The following TRAPPC9 variants were observed in gnomAD, a reference collection of about 807,000 sequenced individuals.
TRAPPC9 encodes the protein trafficking protein particle complex subunit 9, also known as IKK2 binding protein.
A neutral mutation model predicts 124.0 loss-of-function variants in TRAPPC9; 83 were observed. The observed-to-expected ratio is 0.67, with a 90% confidence interval of 0.56 to 0.80. The LOEUF is 0.80. Among genes scored for constraint, TRAPPC9 ranks in the 30% least tolerant of loss-of-function variants. TRAPPC9 has a pLI of 0.00. For missense variants in TRAPPC9, 1,302 were observed against 1,508.3 expected, an observed-to-expected ratio of 0.86 and a Z score of 2.27; for synonymous variants, 638 against 617.5, an observed-to-expected ratio of 1.03 and a Z score of -0.49.
rs187446841 is a variant in TRAPPC9 at position 139,920,996 on chromosome 8, G to A, written c.2811-10696C>T. On this transcript the variant is annotated intron_variant, in intron 19 of 22. Transcript: ENST00000438773. The stretch of plus-strand genomic sequence containing the variant: ...GATGTGGCTGCATCCCACACCTGCC[G>A]TAACAGGTCTCTGAAGGTGTGGGTG... Among the ~76,000 whole-genome samples the A allele has an allele frequency of 3.5e-3, 529 of 152,322 alleles. 9 individuals are homozygous for A. The highest frequency in any genetic ancestry group is 0.031 in the Admixed American group (479 of 15,306).
chr8:140,182,721 T>C lies in TRAPPC9; in HGVS notation c.2556+38738A>G, dbSNP rs540371517. Among the ~76,000 whole-genome samples the C allele has an allele frequency of 3.9e-5, 6 of 152,310 alleles. No individual in the cohort carries two copies. The South Asian group carries it at 1.2e-3, about 32-fold the overall frequency. The stretch of plus-strand genomic sequence containing the variant: ...TAAGAAATTCTAAAAATACAGCCTC[T>C]TGGCAATCATGACCCTCTTGACCTG... On this transcript the variant is annotated intron_variant, in intron 17 of 22. Transcript: ENST00000438773. This position sits in a 1 kb window ranked among gnomAD's most constrained non-coding sequence, Gnocchi z 4.0.
intron 19 of TRAPPC9, among the ~76,000 whole-genome samples, chr8:139,922,028 T>C (rs968618576): frequency 2.6e-5 from 4 of 151,784 alleles, no homozygotes; most frequent in Non-Finnish European, 2.9e-5. Flanking sequence ...GTTCAGAACA[T>C]AGGAAATCAA....
At chr8:140,041,841 G>A (rs143148277) in intron 17 of TRAPPC9, among the ~76,000 whole-genome samples, 113 of 152,218 alleles carry the variant, frequency 7.4e-4, no homozygotes, top group South Asian at 1.5e-3. Flanking sequence ...GTGTGGTGGC[G>A]TGTACCTATA....
chr8:140,283,579 A>G (rs938781400), intron 14 of TRAPPC9, among the ~76,000 whole-genome samples: 1 of 151,782 alleles, frequency 6.6e-6, no homozygotes, highest in Non-Finnish European at 1.5e-5. Flanking sequence ...TACACATGTG[A>G]GCCACCGCGC....
chr8:140,435,271 CAGAAA>C (rs2070775707), intron 3 of TRAPPC9, 31 bp from the exon 4 acceptor site: 1 of 125,544 alleles, frequency 8.0e-6, no homozygotes. Flanking sequence ...AAACAAAAAC[CAGAAA>C]ACAAAAAACA....
At chr8:139,864,302 T>A (rs1828374860) in intron 21 of TRAPPC9, among the ~76,000 whole-genome samples, 1 of 152,140 alleles carries the variant, frequency 6.6e-6, no homozygotes, top group South Asian at 2.1e-4. Context: ...CGTCCTTCAA[T>A]GTGAGGGTTT....
At chr8:140,352,088 G>A (rs1030430775) in intron 9 of TRAPPC9, among the ~76,000 whole-genome samples, 3 of 151,948 alleles carry the variant, frequency 2.0e-5, no homozygotes, top group African/African-American at 7.3e-5. Context: ...GTCTATTTTG[G>A]TCATTTCAAA....
intron 17 of TRAPPC9, among the ~76,000 whole-genome samples, chr8:140,070,461 C>T (rs1203370650): frequency 6.6e-6 from 1 of 152,150 alleles, no homozygotes; most frequent in Non-Finnish European, 1.5e-5. Context: ...ATAATATATA[C>T]ATACCTACCT....
intron 17 of TRAPPC9, among the ~76,000 whole-genome samples, chr8:140,128,076 C>T (rs2061131078): frequency 6.6e-6 from 1 of 152,230 alleles, no homozygotes; most frequent in South Asian, 2.1e-4. Context: ...AAAGACAGCA[C>T]AGACAATGGC....
intron 21 of TRAPPC9, among the ~76,000 whole-genome samples, chr8:139,865,476 G>A (rs1000478303): frequency 3.3e-5 from 5 of 152,220 alleles, no homozygotes; most frequent in Non-Finnish European, 5.9e-5. Context: ...TCATCAAAGG[G>A]GAGTGAGAAA....
intron 9 of TRAPPC9, among the ~76,000 whole-genome samples, chr8:140,358,982 G>T (rs1180291906): frequency 6.6e-6 from 1 of 152,158 alleles, no homozygotes; most frequent in East Asian, 1.9e-4. Context: ...GGCCCTGCTG[G>T]GTCAGCAGAA....
intron 6 of TRAPPC9, among the ~76,000 whole-genome samples, chr8:140,399,031 G>T (rs2069175299): frequency 6.6e-6 from 1 of 152,262 alleles, no homozygotes; most frequent in African/African-American, 2.4e-5. Flanking sequence ...TCGGGCCATG[G>T]CTTCAGAGGG....
At chr8:140,276,691 G>C (rs748920715) in intron 14 of TRAPPC9, among the ~76,000 whole-genome samples, 1 of 152,110 alleles carries the variant, frequency 6.6e-6, no homozygotes, top group Non-Finnish European at 1.5e-5. Flanking sequence ...TAGCACAGTG[G>C]GGACAAATGC....
chr8:140,007,439 C>A (rs912303599), intron 18 of TRAPPC9, among the ~76,000 whole-genome samples: 1 of 152,108 alleles, frequency 6.6e-6, no homozygotes, highest in African/African-American at 2.4e-5. Flanking sequence ...TAAGACAATC[C>A]AAATTCACAA....
At chr8:139,835,770 AAC>A (rs1324499134) in intron 21 of TRAPPC9, among the ~76,000 whole-genome samples, 24 of 149,180 alleles carry the variant, frequency 1.6e-4, no homozygotes, top group African/African-American at 6.0e-4. Flanking sequence ...AAGATTAAAA[AAC>A]AAAAAAAAAA....
intron 5 of TRAPPC9, among the ~76,000 whole-genome samples, chr8:140,412,658 G>C (rs2069748740): frequency 6.6e-6 from 1 of 152,092 alleles, no homozygotes; most frequent in African/African-American, 2.4e-5. Context: ...TAAAGCAAAT[G>C]ATAACAACTG....
At chr8:140,433,059 T>C (rs2070702970) in intron 4 of TRAPPC9, among the ~76,000 whole-genome samples, 2 of 152,118 alleles carry the variant, frequency 1.3e-5, no homozygotes, top group African/African-American at 4.8e-5. Context: ...TCCCAGCACT[T>C]TGGGAGGCCG....
intron 19 of TRAPPC9, among the ~76,000 whole-genome samples, chr8:139,985,242 G>A (rs1186854392): frequency 6.6e-6 from 1 of 152,206 alleles, no homozygotes; most frequent in African/African-American, 2.4e-5. Flanking sequence ...CCAAGAATGA[G>A]TCAAGCTTAC....
chr8:139,898,695 C>T (rs1316341203), intron 20 of TRAPPC9, among the ~76,000 whole-genome samples: 1 of 152,170 alleles, frequency 6.6e-6, no homozygotes, highest in Non-Finnish European at 1.5e-5. Context: ...GGATGTGGCT[C>T]TTCTGTGAAG....
Sources: allele counts gnomAD v4.1 joint callset (sites outside exome capture counted in the v4.1 genomes callset), GRCh38; gene constraint gnomAD v4.1.1; non-coding constraint Gnocchi (gnomAD v3.1); transcripts MANE v1.5; gene names NCBI Gene and HGNC (gene_info 2026-07-23, HGNC 2026-07-21).